The following TFEB variants were observed in gnomAD, a reference collection of about 807,000 sequenced individuals.
TFEB encodes transcription factor EB.
A neutral mutation model predicts 48.0 loss-of-function variants in TFEB; 12 were observed. That is an observed-to-expected ratio of 0.25 (90% confidence interval 0.16 to 0.40). TFEB has a LOEUF of 0.40. Ranked by LOEUF, TFEB falls within the 10% of genes least tolerant of loss-of-function variation. TFEB has a pLI of 1.00. For missense variants in TFEB, 509 were observed against 640.3 expected, an observed-to-expected ratio of 0.79 and a Z score of 2.21; for synonymous variants, 244 against 261.4, an observed-to-expected ratio of 0.93 and a Z score of 0.64.
chr6:41,695,205 G>A (rs1308314994), intron 1 of TFEB, among the ~76,000 whole-genome samples: 1 of 152,220 alleles, frequency 6.6e-6, no homozygotes, highest in Admixed American at 6.5e-5. Context: ...CCATTGGGGG[G>A]ATTCAAGGTA....
chr6:41,710,423 T>C (rs1770426986), intron 1 of TFEB, among the ~76,000 whole-genome samples: 1 of 152,036 alleles, frequency 6.6e-6, no homozygotes, highest in Admixed American at 6.5e-5. Context: ...CAGGCCAGGA[T>C]GGCCAAGGAG....
chr6:41,698,619 C>T (rs940289704), intron 1 of TFEB, among the ~76,000 whole-genome samples: 2 of 152,140 alleles, frequency 1.3e-5, no homozygotes, highest in African/African-American at 4.8e-5. Context: ...CCTCTGTGGT[C>T]GGAAGAAGTT....
At chr6:41,721,632 C>T (rs1770987962) in intron 1 of TFEB, among the ~76,000 whole-genome samples, 2 of 152,194 alleles carry the variant, frequency 1.3e-5, no homozygotes, top group African/African-American at 2.4e-5. Context: ...CTACAACAGG[C>T]GCCTAATAAT....
At chr6:41,706,981 G>A (rs1233421469) in intron 1 of TFEB, among the ~76,000 whole-genome samples, 1 of 152,140 alleles carries the variant, frequency 6.6e-6, no homozygotes, top group Non-Finnish European at 1.5e-5. Context: ...GGGGTCGGGG[G>A]AGGAGCATCG....
In TFEB at chr6:41,690,775, G is replaced by A; in HGVS notation, c.356C>T (p.Pro119Leu). 6.2e-7 allele frequency: 1 copy of A among 1,611,566 alleles called. No individual in the cohort carries two copies. Among genetic ancestry groups the A allele is most frequent in the Non-Finnish European group, 8.5e-7 (1 of 1,178,560 alleles). ...SPAQGSPKPP[P>L]AASPGVRAGH... ...AGCTCGCACCCCTGGGGAGGCGGCT[G>A]GTGGGGGTTTCGGAGAGCCCTGGGC... The change falls in exon 3 of 9, where the codon CCA becomes CTA. Residue 119 changes from proline (P) to leucine (L), a missense_variant. Physicochemically the swap from Pro to Leu is moderately conservative, Grantham distance 98. This residue lies in a region of TFEB where 251 missense variants were observed against 317.2 expected (regional missense o/e 0.79). Coordinates refer to ENST00000373033, the MANE Select transcript of TFEB (RefSeq NM_001271944.2).
intron 4 of TFEB, among the ~76,000 whole-genome samples, chr6:41,688,763 A>AC (rs1254247339): frequency 6.6e-6 from 1 of 152,040 alleles, no homozygotes; most frequent in African/African-American, 2.4e-5. Context: ...GTAGGTTTGG[A>AC]CCCAACCAGT....
In TFEB at chr6:41,691,498, G is replaced by T; in HGVS notation, c.-22-263C>A. ...GCAGTTGGTAAATCCCAAACTCTAAGAGTCAACTTCCACTCCTCTCTGTGT... is the reference window on the plus strand; with the variant it reads ...GCAGTTGGTAAATCCCAAACTCTAATAGTCAACTTCCACTCCTCTCTGTGT... On this transcript the variant is annotated intron_variant, in intron 1 of 8. Transcript: ENST00000373033. The surrounding 1 kb of genome is among the most constrained non-coding windows in gnomAD (Gnocchi z 5.2). 2 of 665,898 alleles carry T rather than the reference G, an allele frequency of 3.0e-6. No individual in the cohort carries two copies. Among genetic ancestry groups the T allele is most frequent in the Non-Finnish European group, 5.6e-6 (2 of 356,908 alleles). 41.2% of individuals were successfully genotyped at this position (665,898 alleles called of 1,614,324 possible).
chr6:41,687,564 G>A (rs1259180700), intron 6 of TFEB, 189 bp downstream of exon 6: 5 of 722,520 alleles, frequency 6.9e-6, no homozygotes, highest in Non-Finnish European at 1.2e-5. Context: ...AAGAGGCCTA[G>A]TGGAAAGACA....
chr6:41,700,630 G>A (rs565752636), intron 1 of TFEB, among the ~76,000 whole-genome samples: 2 of 152,304 alleles, frequency 1.3e-5, no homozygotes, highest in Admixed American at 6.5e-5. Flanking sequence ...TGCGCTGCGG[G>A]AGACTGCAGG....
At chr6:41,735,196 C>T in intron 1 of TFEB, 154 bp downstream of exon 1, 1 of 897,486 alleles carries the variant, frequency 1.1e-6, no homozygotes, top group Non-Finnish European at 1.3e-6. Flanking sequence ...GGACGGACTG[C>T]GGGTGGGTGG....
chr6:41,698,570 G>A (rs1769732860), intron 1 of TFEB, among the ~76,000 whole-genome samples: 1 of 152,192 alleles, frequency 6.6e-6, no homozygotes, highest in South Asian at 2.1e-4. Flanking sequence ...CAAGCCCAGA[G>A]GCTGGGAGGC....
intron 1 of TFEB, among the ~76,000 whole-genome samples, chr6:41,725,367 C>T (rs1338537968): frequency 1.3e-5 from 2 of 152,210 alleles, no homozygotes; most frequent in Non-Finnish European, 2.9e-5. Context: ...AAGATGGGCA[C>T]CTGCCAATTC....
At chr6:41,715,715 A>C (rs1332627336) in intron 1 of TFEB, among the ~76,000 whole-genome samples, 1 of 151,644 alleles carries the variant, frequency 6.6e-6, no homozygotes, top group African/African-American at 2.4e-5. Flanking sequence ...AGGTCCTCCC[A>C]TGCTCCCAGT....
intron 1 of TFEB, among the ~76,000 whole-genome samples, chr6:41,712,847 C>A (rs567351159): frequency 1.3e-5 from 2 of 152,292 alleles, no homozygotes; most frequent in South Asian, 4.1e-4. Flanking sequence ...CCCACCCCCT[C>A]CCAGGCAGCA....
At chr6:41,715,271 C>T (rs1048234801) in intron 1 of TFEB, among the ~76,000 whole-genome samples, 2 of 152,148 alleles carry the variant, frequency 1.3e-5, no homozygotes, top group Non-Finnish European at 2.9e-5. Context: ...GGACCACAGC[C>T]CTGGCCCTCC....
chr6:41,721,261 T>C (rs61466080), intron 1 of TFEB, among the ~76,000 whole-genome samples: 9,641 of 152,114 alleles, frequency 0.063, 889 homozygotes, highest in African/African-American at 0.2. Context: ...TTATATTCAG[T>C]AGGTGCTCTA....
intron 1 of TFEB, among the ~76,000 whole-genome samples, chr6:41,719,616 A>G (rs149542827): frequency 6.6e-6 from 1 of 152,238 alleles, no homozygotes; most frequent in Non-Finnish European, 1.5e-5. Flanking sequence ...AGTTACTGGC[A>G]TGCAGGTCAT....
chr6:41,697,658 G>A (rs1233625127), intron 1 of TFEB, among the ~76,000 whole-genome samples: 1 of 152,146 alleles, frequency 6.6e-6, no homozygotes, highest in Non-Finnish European at 1.5e-5. Context: ...CCAGTCCAAG[G>A]AAGTAATCAT....
chr6:41,693,100 CAGT>C (rs1033498196), intron 1 of TFEB, among the ~76,000 whole-genome samples: 1 of 152,134 alleles, frequency 6.6e-6, no homozygotes, highest in African/African-American at 2.4e-5. Flanking sequence ...GCGAACTGAT[CAGT>C]GTGGACCAGA....
Sources: gnomAD v4.1 joint callset for allele counts (sites outside exome capture counted in the v4.1 genomes callset) on GRCh38, gnomAD v4.1.1 for gene constraint, gnomAD v4.1.1 regional missense constraint, Gnocchi (gnomAD v3.1) non-coding constraint, MANE v1.5 for transcripts, NCBI Gene and HGNC (gene_info 2026-07-23, HGNC 2026-07-21) for gene names.